Variants in MCPH1 observed in about 807,000 individuals in gnomAD.
The protein encoded by MCPH1 is microcephalin.
A neutral mutation model predicts 84.5 loss-of-function variants in MCPH1; 104 were observed. The observed-to-expected ratio is 1.23, with a 90% CI of 1.05 to 1.45. The LOEUF (loss-of-function observed/expected upper bound fraction) is 1.45. Among genes scored for constraint, MCPH1 ranks in the 40% most tolerant of loss-of-function variants. The probability of loss-of-function intolerance (pLI) is 0.00; values close to 1 mark genes in which losing one functional copy is unlikely to be tolerated. For missense variants in MCPH1, 1,498 were observed against 1,005.7 expected (o/e 1.49, Z -6.62); for synonymous variants, 514 against 366.8 (o/e 1.40, Z -4.58).
chr8:6,635,840 A>G (rs550168863), intron 13 of MCPH1, among the ~76,000 whole-genome samples: 1 of 152,274 alleles, frequency 6.6e-6, no homozygotes, highest in South Asian at 2.1e-4. Flanking sequence ...AAAGCACAGC[A>G]TGGTTGGGAG....
intron 9 of MCPH1, chr8:6,474,233 A>T: frequency 3.2e-6 from 2 of 632,114 alleles, no homozygotes; most frequent in East Asian, 2.7e-5. Flanking sequence ...GTCGTCATAC[A>T]ATTGCTTTTC....
intron 12 of MCPH1, among the ~76,000 whole-genome samples, chr8:6,529,290 C>A (rs1456293602): frequency 1.3e-5 from 2 of 152,158 alleles, no homozygotes; most frequent in Admixed American, 1.3e-4. Context: ...ATTTGATCGT[C>A]TCTCATTCTG....
chr8:6,416,808 A>G (rs1014465463), intron 3 of MCPH1, among the ~76,000 whole-genome samples: 7 of 120,788 alleles, frequency 5.8e-5, no homozygotes, highest in Non-Finnish European at 1.1e-4. Context: ...AGCCTGATCA[A>G]TATGGTAAAA....
chr8:6,446,864 G>C (rs1000865937), intron 8 of MCPH1: 1 of 985,084 alleles, frequency 1.0e-6, no homozygotes, highest in African/African-American at 1.8e-5. Flanking sequence ...GGTGTGTTAT[G>C]TTCTAGAACA....
Position 6,523,890 on chromosome 8 carries a change from A to ATT in MCPH1, c.2214+23975_2214+23976dup, listed in dbSNP as rs367933701. On this transcript the variant is annotated intron_variant, in intron 12 of 13. Transcript: ENST00000344683. ...GCATGAGCCACCGTGCCTGGCTGGCATTTTTTTTTTTTTTTAATAAGATAC... is the reference window on the plus strand; with the variant it reads ...GCATGAGCCACCGTGCCTGGCTGGCATTTTTTTTTTTTTTTTTAATAAGATAC... Among the ~76,000 whole-genome samples the ATT allele has an allele frequency of 5.8e-3, 842 of 143,994 alleles. 2 individuals are homozygous for ATT. Among genetic ancestry groups the ATT allele is most frequent in the African/African-American group, 0.013 (501 of 39,442 alleles). 94.5% of individuals were successfully genotyped at this position (143,994 alleles called of 152,430 possible). A position where few individuals can be genotyped will look rare whatever the true frequency, so the allele number is the denominator to read the frequency against.
At position 6,461,624 on chromosome 8, in the gene MCPH1, G is replaced by T. The variant is rs556586747; in HGVS notation, c.1935+6372G>T. ...CAAAGTGCTGGGATTACAGGCGTGA[G>T]CCACCACACCCGGCCTGGTGAGACT... On this transcript the variant is annotated intron_variant, in intron 9 of 13. Transcript: ENST00000344683. 1.2e-4 allele frequency among the ~76,000 whole-genome samples: 19 copies of T among 152,206 alleles called. No individual in the cohort carries two copies. The East Asian group carries it at 3.7e-3, about 29-fold the overall frequency.
At chr8:6,614,042 A>C (rs1436668889) in intron 12 of MCPH1, among the ~76,000 whole-genome samples, 1 of 152,144 alleles carries the variant, frequency 6.6e-6, no homozygotes, top group African/African-American at 2.4e-5. Context: ...CCTGGTGCCA[A>C]AGACCAGTTA....
In MCPH1 at chr8:6,409,251, A is replaced by G. The variant is rs1216361164; in HGVS notation, c.23-28A>G. On this transcript the variant is annotated intron_variant, in intron 1 of 13. Transcript: ENST00000344683. ...CAGGGGATGCTGGAATTTCAAATGT[A>G]TGTTTCATGTTCATATCTTGTTTTC... The G allele has an allele frequency of 5.8e-6, 9 of 1,554,782 alleles. No individual in the cohort carries two copies. The African/African-American group carries it at 6.8e-5, about 12-fold the overall frequency.
intron 12 of MCPH1, among the ~76,000 whole-genome samples, chr8:6,570,518 G>A (rs999418622): frequency 1.3e-5 from 2 of 152,136 alleles, no homozygotes; most frequent in African/African-American, 2.4e-5. Flanking sequence ...TAGAGTAAGC[G>A]CAGGAGTTAA....
intron 5 of MCPH1, among the ~76,000 whole-genome samples, chr8:6,437,495 C>T (rs1196695415): frequency 6.6e-6 from 1 of 152,188 alleles, no homozygotes; most frequent in Non-Finnish European, 1.5e-5. Context: ...TCCCAAAGTG[C>T]TGGGATTACA....
intron 8 of MCPH1, chr8:6,445,797 A>G: frequency 3.1e-6 from 4 of 1,273,626 alleles, no homozygotes; most frequent in East Asian, 3.4e-5. Context: ...TCCTTCTTAT[A>G]GGTCAAAAGG....
intron 12 of MCPH1, among the ~76,000 whole-genome samples, chr8:6,575,447 G>A (rs1271190041): frequency 6.6e-6 from 1 of 152,178 alleles, no homozygotes; most frequent in African/African-American, 2.4e-5. Flanking sequence ...AAGAGATAAT[G>A]ATAAAGAAGA....
chr8:6,418,169 C>T (rs999221820), intron 3 of MCPH1, among the ~76,000 whole-genome samples: 1 of 152,134 alleles, frequency 6.6e-6, no homozygotes. Context: ...GTAGCCCTAG[C>T]TGCCCAGTCT....
intron 3 of MCPH1, among the ~76,000 whole-genome samples, chr8:6,425,301 G>A (rs1800896382): frequency 6.6e-6 from 1 of 152,270 alleles, no homozygotes; most frequent in African/African-American, 2.4e-5. Flanking sequence ...ACTAGATGGT[G>A]GGATAATGTT....
chr8:6,537,758 C>G (rs1353748036), intron 12 of MCPH1, among the ~76,000 whole-genome samples: 5 of 151,790 alleles, frequency 3.3e-5, no homozygotes, highest in African/African-American at 1.2e-4. Context: ...ATTTTTTATA[C>G]CAAAAGAAAA....
intron 12 of MCPH1, among the ~76,000 whole-genome samples, chr8:6,516,422 GTC>G (rs1387795850): frequency 6.6e-6 from 1 of 152,146 alleles, no homozygotes; most frequent in Non-Finnish European, 1.5e-5. Flanking sequence ...TTTGAATAAG[GTC>G]TCTTTGATTC....
chr8:6,557,712 C>CACACACACAT (rs1554452302), intron 12 of MCPH1, among the ~76,000 whole-genome samples: 1 of 150,550 alleles, frequency 6.6e-6, no homozygotes, highest in African/African-American at 2.5e-5. Flanking sequence ...CACACACACA[C>CACACACACAT]ACATACATAT....
chr8:6,637,955 G>A (rs920292224), intron 13 of MCPH1, among the ~76,000 whole-genome samples: 3 of 152,122 alleles, frequency 2.0e-5, no homozygotes, highest in Non-Finnish European at 2.9e-5. Flanking sequence ...AAGAAGACTC[G>A]AAGGTGGCAC....
At chr8:6,474,920 C>T (rs962975999) in intron 9 of MCPH1, among the ~76,000 whole-genome samples, 7 of 152,196 alleles carry the variant, frequency 4.6e-5, no homozygotes, top group Admixed American at 2.0e-4. Context: ...CAACTAGTCT[C>T]ATTTGCCAAA....
Sources: gnomAD v4.1 joint callset for allele counts (sites outside exome capture counted in the v4.1 genomes callset) on GRCh38, gnomAD v4.1.1 for gene constraint, MANE v1.5 for transcripts, NCBI Gene and HGNC (gene_info 2026-07-23, HGNC 2026-07-21) for gene names.